Variants in KLRD1 observed in about 807,000 individuals in gnomAD.
KLRD1 encodes the protein natural killer cells antigen CD94.
Under a neutral mutation model 22.6 loss-of-function variants are expected in KLRD1, and 21 were observed. The ratio of observed to expected loss-of-function variants is 0.93; its 90% CI spans 0.66 to 1.34. The LOEUF is 1.34. Among genes scored for constraint, KLRD1 ranks in the 40% most tolerant of loss-of-function variants. The pLI is 0.00. For missense variants in KLRD1, 183 were observed against 208.6 expected, an observed-to-expected ratio of 0.88 and a Z score of 0.76; for synonymous variants, 59 against 71.1, an observed-to-expected ratio of 0.83 and a Z score of 0.85.
At chr12:10,261,751 G>GA (rs1226587471) in intron 1 of KLRD1, among the ~76,000 whole-genome samples, 1 of 151,844 alleles carries the variant, frequency 6.6e-6, no homozygotes, top group Non-Finnish European at 1.5e-5. Context: ...CTGATACCCA[G>GA]AAAAAAAGTA....
intron 1 of KLRD1, among the ~76,000 whole-genome samples, chr12:10,240,506 G>A (rs1386423468): frequency 1.3e-5 from 2 of 152,084 alleles, no homozygotes; most frequent in Non-Finnish European, 2.9e-5. Flanking sequence ...AGAGACAAGA[G>A]TTTTTATATT....
intron 1 of KLRD1, among the ~76,000 whole-genome samples, chr12:10,255,258 G>A (rs1349381505): frequency 6.6e-6 from 1 of 152,124 alleles, no homozygotes; most frequent in African/African-American, 2.4e-5. Flanking sequence ...ATTATTCATT[G>A]TAGCTAAAGG....
At chr12:10,246,447 T>A (rs933422829) in intron 1 of KLRD1, among the ~76,000 whole-genome samples, 1 of 152,190 alleles carries the variant, frequency 6.6e-6, no homozygotes, top group Admixed American at 6.5e-5. Flanking sequence ...CAGGTTCTTA[T>A]ACAGTTCAGA....
Position 10,321,380 on chromosome 12 carries a change from G to A in KLRD1, c.*6587G>A, listed in dbSNP as rs566259820. 6 of 152,240 alleles carry A rather than the reference G, an allele frequency of 3.9e-5. No individual in the cohort carries two copies. Among genetic ancestry groups the A allele is most frequent in the East Asian group, 1.9e-4 (1 of 5,178 alleles). 9.4% of individuals were successfully genotyped at this position (152,240 alleles called of 1,614,324 possible). A position where few individuals can be genotyped will look rare whatever the true frequency, so the allele number is the denominator to read the frequency against. ...CTCATACCTGGATGTGACAAATTTC[G>A]GACTTTGAACTGACATTGTAACGGA... On this transcript the variant is annotated 3_prime_UTR_variant, in exon 6 of 6. Coordinates refer to ENST00000336164, the MANE Select transcript of KLRD1 (RefSeq NM_002262.5).
chr12:10,279,993 T>C (rs1384256376), intron 1 of KLRD1, among the ~76,000 whole-genome samples: 1 of 152,218 alleles, frequency 6.6e-6, no homozygotes, highest in African/African-American at 2.4e-5. Flanking sequence ...ATACACAGAT[T>C]TGACTTTCAA....
intron 1 of KLRD1, among the ~76,000 whole-genome samples, chr12:10,256,024 T>G (rs1395532122): frequency 1.3e-5 from 2 of 152,156 alleles, no homozygotes; most frequent in African/African-American, 4.8e-5. Context: ...GCCTATATGT[T>G]TATAATTGTG....
At chr12:10,240,066 CT>C (rs879803613) in intron 1 of KLRD1, among the ~76,000 whole-genome samples, 92 of 143,388 alleles carry the variant, frequency 6.4e-4, no homozygotes, top group Non-Finnish European at 6.8e-4. Context: ...TACTTTCTTT[CT>C]TTTTTTTTTT....
At chr12:10,306,093 C>T (rs921153822), upstream of KLRD1, among the ~76,000 whole-genome samples, 20 of 152,176 alleles carry the variant, frequency 1.3e-4, no homozygotes, top group Non-Finnish European at 2.9e-4. Flanking sequence ...GGCGTGAACA[C>T]GGGAGGCGGA....
At position 10,251,824 on chromosome 12, in the gene KLRD1, C is replaced by A. The variant is rs557533699; in HGVS notation, c.-101+25591C>A. 3.0e-3 allele frequency among the ~76,000 whole-genome samples: 464 copies of A among 152,182 alleles called. 3 individuals are homozygous for A. The highest frequency in any genetic ancestry group is 5.2e-3 in the Non-Finnish European group (356 of 68,012). ...TTTGTGCTCCTATGAGAATCAAATG[C>A]CTCTGCGGACCTGACAGGAAGCAGA... On this transcript the variant is annotated intron_variant, in intron 1 of 5. Transcript: ENST00000544747.
At chr12:10,262,808 A>G (rs938262662) in intron 1 of KLRD1, among the ~76,000 whole-genome samples, 1 of 152,076 alleles carries the variant, frequency 6.6e-6, no homozygotes, top group Non-Finnish European at 1.5e-5. Flanking sequence ...TTATGCATTC[A>G]TTGTTTTAAT....
chr12:10,243,631 A>AAAAAAAAAAAAAAAAAAG lies in KLRD1; in HGVS notation c.-101+17400_-101+17401insAAAAAAAAAAAAAAAGAA, dbSNP rs771543645. ...CCAAAAAAAAAAAAAAAAAAAAAAA[A>AAAAAAAAAAAAAAAAAAG]AACCGAAATGAAAGATATGGAACAA... On this transcript the variant is annotated intron_variant, in intron 1 of 5. Coordinates refer to the KLRD1 transcript ENST00000544747. 1.9e-3 allele frequency among the ~76,000 whole-genome samples: 224 copies of AAAAAAAAAAAAAAAAAAG among 118,746 alleles called. 29 individuals are homozygous for AAAAAAAAAAAAAAAAAAG. The highest frequency in any genetic ancestry group is 9.3e-3 in the East Asian group (28 of 3,022). The allele number at this position is 118,746 out of a possible 152,430, so 77.9% of individuals were successfully genotyped here.
chr12:10,260,067 TC>T (rs938899229), intron 1 of KLRD1, among the ~76,000 whole-genome samples: 1 of 152,218 alleles, frequency 6.6e-6, no homozygotes, highest in Non-Finnish European at 1.5e-5. Context: ...AAATGGTCTT[TC>T]TTTTACCTAT....
At chr12:10,302,086 C>A (rs1357856268), upstream of KLRD1, among the ~76,000 whole-genome samples, 1 of 151,976 alleles carries the variant, frequency 6.6e-6, no homozygotes, top group Non-Finnish European at 1.5e-5. Context: ...TCACAGATTG[C>A]CATAAGATAT....
chr12:10,259,257 T>C (rs920958647), intron 1 of KLRD1, among the ~76,000 whole-genome samples: 1 of 152,226 alleles, frequency 6.6e-6, no homozygotes, highest in Non-Finnish European at 1.5e-5. Context: ...ATTGTTCTAG[T>C]GATTGACAAT....
chr12:10,244,517 C>T (rs1156288334), intron 1 of KLRD1, among the ~76,000 whole-genome samples: 1 of 152,184 alleles, frequency 6.6e-6, no homozygotes, highest in Non-Finnish European at 1.5e-5. Flanking sequence ...CACGGTGGCT[C>T]ATGCCTGTAA....
chr12:10,298,359 A>C (rs1268851277), intron 1 of KLRD1, among the ~76,000 whole-genome samples: 1 of 152,196 alleles, frequency 6.6e-6, no homozygotes, highest in Non-Finnish European at 1.5e-5. Flanking sequence ...CTTCTTGGAG[A>C]TTTAAAGTTT....
chr12:10,314,518 GA>G (rs1436103344), intron 5 of KLRD1, among the ~76,000 whole-genome samples, 154 bp from the exon 6 acceptor site: 1 of 151,894 alleles, frequency 6.6e-6, no homozygotes. Flanking sequence ...CATTACACTA[GA>G]AAATCATGAA....
rs1950378045 is a variant in KLRD1 at position 10,328,189 on chromosome 12, T to G, written c.*13396T>G. The G allele has an allele frequency of 2.0e-5, 3 of 152,172 alleles. No individual in the cohort carries two copies. Among genetic ancestry groups the G allele is most frequent in the Admixed American group, 2.0e-4 (3 of 15,266 alleles). 9.4% of individuals were successfully genotyped at this position (152,172 alleles called of 1,614,324 possible). On this transcript the variant is annotated 3_prime_UTR_variant, in exon 6 of 6. Transcript: ENST00000336164. ...GCCACATAAAATTAGTTTGAAAGTA[T>G]TTATTCTTTTTAAATTTTTATATAA...
At chr12:10,257,377 T>C (rs1232239424) in intron 1 of KLRD1, among the ~76,000 whole-genome samples, 5 of 151,182 alleles carry the variant, frequency 3.3e-5, no homozygotes, top group Non-Finnish European at 5.9e-5. Context: ...TTAAATAACG[T>C]CCATTAAATC....
Sources: allele counts gnomAD v4.1 joint callset (sites outside exome capture counted in the v4.1 genomes callset), GRCh38; gene constraint gnomAD v4.1.1; transcripts MANE v1.5; gene names NCBI Gene and HGNC (gene_info 2026-07-23, HGNC 2026-07-21).